Variants in BCR observed in about 807,000 individuals in gnomAD.
The protein encoded by BCR is BCR activator of RhoGEF and GTPase.
A neutral mutation model predicts 138.6 loss-of-function variants in BCR; 58 were observed. The ratio of observed to expected loss-of-function variants is 0.42; its 90% CI spans 0.34 to 0.52. The LOEUF (loss-of-function observed/expected upper bound fraction) is 0.52. Ranked by LOEUF, BCR falls within the 20% of genes least tolerant of loss-of-function variation. The pLI is 0.06. For synonymous variants in BCR, 786 were observed against 730.1 expected, an observed-to-expected ratio of 1.08 and a Z score of -1.23; for missense variants, 1,599 against 1,727.2, an observed-to-expected ratio of 0.93 and a Z score of 1.32.
intron 1 of BCR, among the ~76,000 whole-genome samples, chr22:23,247,555 G>C (rs890945184): frequency 1.3e-5 from 2 of 152,124 alleles, no homozygotes; most frequent in African/African-American, 2.4e-5. Flanking sequence ...CTCACCCTGG[G>C]GCACATTGGC....
chr22:23,244,642 G>A (rs904341755), intron 1 of BCR, among the ~76,000 whole-genome samples: 3 of 152,194 alleles, frequency 2.0e-5, no homozygotes, highest in African/African-American at 7.2e-5. Context: ...TGGGTGTGCG[G>A]TGCTCACCAT....
At chr22:23,232,974 G>A (rs2072975583) in intron 1 of BCR, among the ~76,000 whole-genome samples, 1 of 152,170 alleles carries the variant, frequency 6.6e-6, no homozygotes, top group African/African-American at 2.4e-5. Flanking sequence ...TGCGAGGTGG[G>A]GGATCGCATT....
intron 1 of BCR, among the ~76,000 whole-genome samples, chr22:23,219,584 A>G (rs540523756): frequency 2.0e-4 from 30 of 152,312 alleles, no homozygotes; most frequent in African/African-American, 7.2e-4. Flanking sequence ...CTGAAGGTCA[A>G]GGTCACGCAT....
intron 8 of BCR, among the ~76,000 whole-genome samples, chr22:23,275,801 A>G (rs2073568727): frequency 6.6e-6 from 1 of 152,076 alleles, no homozygotes; most frequent in Non-Finnish European, 1.5e-5. Flanking sequence ...TCTACCGACT[A>G]TTCTTTTATG....
rs533318052 is a variant in BCR, at chr22:23,239,683, C to T, written c.1280-14116C>T. ...TGCAGCCCAAATCATAGAAATTTATCATCTCACAGTTCTGACGACTGGAAA... is the reference window on the plus strand; with the variant it reads ...TGCAGCCCAAATCATAGAAATTTATTATCTCACAGTTCTGACGACTGGAAA... On this transcript the variant is annotated intron_variant, in intron 1 of 22. Coordinates refer to ENST00000305877, the MANE Select transcript of BCR (RefSeq NM_004327.4). Among the ~76,000 whole-genome samples, 4 of 152,324 alleles carry T rather than the reference C, an allele frequency of 2.6e-5. No individual in the cohort carries two copies. The South Asian group carries it at 8.3e-4, about 32-fold the overall frequency.
intron 17 of BCR, chr22:23,309,851 C>G (rs1376899802): frequency 8.6e-6 from 3 of 347,476 alleles, no homozygotes; most frequent in Admixed American, 9.1e-5. Context: ...CAAAAAGGCC[C>G]GGGTATAAAT....
intron 1 of BCR, among the ~76,000 whole-genome samples, chr22:23,231,789 G>C (rs1417676017): frequency 6.6e-6 from 1 of 152,228 alleles, no homozygotes; most frequent in Non-Finnish European, 1.5e-5. Context: ...CCCCACCCGT[G>C]CCTACGCCCA....
chr22:23,303,330 C>T (rs757313300), intron 16 of BCR, among the ~76,000 whole-genome samples: 2 of 152,004 alleles, frequency 1.3e-5, no homozygotes, highest in Admixed American at 6.6e-5. Context: ...TGATGGGAGT[C>T]GGAGGAGGTA....
In BCR at chr22:23,315,601, C is replaced by G; in HGVS notation, c.*79C>G. The G allele has an allele frequency of 7.2e-7, 1 of 1,384,892 alleles. No individual in the cohort carries two copies. Among genetic ancestry groups the G allele is most frequent in the Non-Finnish European group, 1.0e-6 (1 of 980,758 alleles). The allele number at this position is 1,384,892 out of a possible 1,614,324, so 85.8% of individuals were successfully genotyped here. A position where few individuals can be genotyped will look rare whatever the true frequency, so the allele number is the denominator to read the frequency against. On this transcript the variant is annotated 3_prime_UTR_variant, in exon 23 of 23. Coordinates refer to ENST00000305877, the MANE Select transcript of BCR (RefSeq NM_004327.4). ...ATCGGGCCATCCGTAGAGCGGGAAC[C>G]TTCCTGAGGTGTCCTTGGGCCACCC...
chr22:23,311,064 T>C (rs1175023397), intron 18 of BCR, among the ~76,000 whole-genome samples: 6 of 145,322 alleles, frequency 4.1e-5, no homozygotes, highest in Non-Finnish European at 6.0e-5. Flanking sequence ...GCAGCTTTGA[T>C]GTGCTGGTAA....
At chr22:23,262,635 C>A (rs2073374904) in intron 4 of BCR, 3 of 327,192 alleles carry the variant, frequency 9.2e-6, no homozygotes, top group Non-Finnish European at 1.3e-5. Flanking sequence ...CCGCGTCGGG[C>A]TGCCCCGCAG....
chr22:23,260,628 C>T (rs1222391822), intron 2 of BCR, among the ~76,000 whole-genome samples: 1 of 152,232 alleles, frequency 6.6e-6, no homozygotes, highest in Non-Finnish European at 1.5e-5. Flanking sequence ...TGTCAGGCAG[C>T]TGCCCTTGGG....
At chr22:23,262,704 TGAG>T (rs1568960992) in intron 4 of BCR, 7 of 180,740 alleles carry the variant, frequency 3.9e-5, no homozygotes, top group African/African-American at 8.5e-5. Flanking sequence ...CGGGCCCGGG[TGAG>T]GGCGGGCCCG....
chr22:23,274,358 TGCCTGTGCC>T (rs2073547156), intron 8 of BCR, among the ~76,000 whole-genome samples: 1 of 152,204 alleles, frequency 6.6e-6, no homozygotes. Context: ...GCATGGCCTG[TGCCTGTGCC>T]GCTCTGAGCC....
chr22:23,248,747 C>G (rs1488226949), intron 1 of BCR, among the ~76,000 whole-genome samples: 1 of 152,164 alleles, frequency 6.6e-6, no homozygotes, highest in Non-Finnish European at 1.5e-5. Context: ...AGGTGAGCAG[C>G]AGCCAGATTC....
At chr22:23,188,058 A>G (rs1011520266) in intron 1 of BCR, among the ~76,000 whole-genome samples, 1 of 152,182 alleles carries the variant, frequency 6.6e-6, no homozygotes, top group African/African-American at 2.4e-5. Flanking sequence ...GGGGCAGAGA[A>G]AGGTCACCTG....
intron 1 of BCR, among the ~76,000 whole-genome samples, chr22:23,234,743 G>T (rs2073003584): frequency 9.3e-6 from 1 of 107,920 alleles, no homozygotes; most frequent in African/African-American, 2.7e-5. Flanking sequence ...AGCATGAGGG[G>T]ACTGTGCGAA....
intron 16 of BCR, among the ~76,000 whole-genome samples, chr22:23,307,274 A>AT (rs144686155): frequency 0.19 from 27,859 of 150,452 alleles, 2,876 homozygotes; most frequent in Non-Finnish European, 0.23. Flanking sequence ...GCTTTTGAAA[A>AT]TTTTTTTTTT....
rs1010320322 is a variant in BCR at position 23,233,678 on chromosome 22, T to A, written c.1280-20121T>A. Among the ~76,000 whole-genome samples the A allele has an allele frequency of 2.0e-5, 3 of 151,434 alleles. No homozygotes were observed. The East Asian group carries it at 5.8e-4, about 30-fold the overall frequency. On this transcript the variant is annotated intron_variant, in intron 1 of 22. Coordinates refer to ENST00000305877, the MANE Select transcript of BCR (RefSeq NM_004327.4). Reference sequence around the variant, plus strand: ...GGGCTTACACTCTTGTAGTCCCAGCTATTCAGGAGGCTGAGGCACAAGAAT... The same window carrying A: ...GGGCTTACACTCTTGTAGTCCCAGCAATTCAGGAGGCTGAGGCACAAGAAT...
Sources: allele counts gnomAD v4.1 joint callset (sites outside exome capture counted in the v4.1 genomes callset), GRCh38; gene constraint gnomAD v4.1.1; transcripts MANE v1.5; gene names NCBI Gene and HGNC (gene_info 2026-07-23, HGNC 2026-07-21).